Variants in MYO3A observed in about 807,000 individuals in gnomAD.
MYO3A encodes myosin-IIIa.
MYO3A carries 180 observed loss-of-function variants against 192.7 expected under a neutral mutation model. That is an observed-to-expected ratio of 0.93 (90% CI 0.83 to 1.06). The LOEUF is 1.06. MYO3A is among the 50% of genes least tolerant of loss of function. MYO3A has a pLI of 0.00. For synonymous variants in MYO3A, 628 were observed against 645.3 expected (o/e 0.97, Z 0.41); for missense variants, 1,896 against 1,905.0 (o/e 1.00, Z 0.09).
At chr10:26,057,201 A>G (rs1392642698) in intron 10 of MYO3A, among the ~76,000 whole-genome samples, 2 of 152,208 alleles carry the variant, frequency 1.3e-5, no homozygotes, top group African/African-American at 4.8e-5. Flanking sequence ...TCCTTTGAAA[A>G]GTTGACAAGG....
intron 34 of MYO3A, among the ~76,000 whole-genome samples, chr10:26,203,574 C>T (rs538594903): frequency 4.6e-5 from 7 of 152,312 alleles, no homozygotes; most frequent in Admixed American, 2.0e-4. Context: ...ATATTTTGGA[C>T]TTGAATTCTC....
At chr10:26,160,636 C>A (rs1230579784) in intron 26 of MYO3A, among the ~76,000 whole-genome samples, 2 of 151,746 alleles carry the variant, frequency 1.3e-5, no homozygotes, top group East Asian at 3.9e-4. Flanking sequence ...CAGAGCAAGA[C>A]CCTATCTCTA....
intron 6 of MYO3A, among the ~76,000 whole-genome samples, chr10:26,005,442 A>G (rs1478929357): frequency 6.7e-6 from 1 of 150,120 alleles, no homozygotes; most frequent in Non-Finnish European, 1.5e-5. Flanking sequence ...TTTAAAGGAC[A>G]TATTTAGGAC....
chr10:26,192,214 C>T (rs1033751421), intron 31 of MYO3A, among the ~76,000 whole-genome samples: 6 of 152,172 alleles, frequency 3.9e-5, no homozygotes, highest in Non-Finnish European at 8.8e-5. Context: ...GGTTTGAGAT[C>T]TTGGCTATAT....
intron 18 of MYO3A, among the ~76,000 whole-genome samples, chr10:26,124,730 T>C (rs1431532654): frequency 6.6e-6 from 1 of 152,216 alleles, no homozygotes; most frequent in Non-Finnish European, 1.5e-5. Context: ...TGAGTTTTGT[T>C]CACGGAATTA....
intron 28 of MYO3A, among the ~76,000 whole-genome samples, chr10:26,170,165 C>G (rs957721713): frequency 6.6e-6 from 1 of 152,212 alleles, no homozygotes; most frequent in Non-Finnish European, 1.5e-5. Flanking sequence ...CAACTTTGCT[C>G]ATCTCTATCA....
chr10:26,077,233 GTTTTTTTT>G (rs34464120), intron 14 of MYO3A, among the ~76,000 whole-genome samples: 2 of 36,284 alleles, frequency 5.5e-5, no homozygotes, highest in Non-Finnish European at 1.1e-4. Flanking sequence ...TATTCCTAAG[GTTTTTTTT>G]TTTTTTTTTT....
chr10:26,096,391 A>C lies in MYO3A; in HGVS notation c.1573A>C (p.Asn525His), dbSNP rs775770061. ...RVIHQAIGEKNFHIFYYIYAG... is the reference protein window; with the variant it reads ...RVIHQAIGEKHFHIFYYIYAG... ...TATCTTTTTTTCCAGTGGAGAAAAA[A>C]ATTTTCATATTTTTTACTACATTTA... Residue 525 changes from asparagine to histidine, a missense_variant, in exon 16 of 35, where the codon AAT becomes CAT. Transcript: ENST00000642920. The C allele has an allele frequency of 1.9e-6, 3 of 1,610,414 alleles. No individual in the cohort carries two copies. Among genetic ancestry groups the C allele is most frequent in the African/African-American group, 2.7e-5 (2 of 74,794 alleles).
intron 2 of MYO3A, among the ~76,000 whole-genome samples, chr10:25,940,234 T>C (rs1287028051): frequency 6.6e-6 from 1 of 152,082 alleles, no homozygotes; most frequent in African/African-American, 2.4e-5. Context: ...TTTCTACTGC[T>C]TTTTCTATGT....
chr10:26,197,346 G>A (rs528615986), intron 32 of MYO3A, among the ~76,000 whole-genome samples: 66 of 152,292 alleles, frequency 4.3e-4, no homozygotes, highest in African/African-American at 1.5e-3. Flanking sequence ...CCTGAGGAAG[G>A]AACTCAGATA....
chr10:26,207,069 G>GTT (rs370958381), intron 34 of MYO3A, among the ~76,000 whole-genome samples: 2 of 147,192 alleles, frequency 1.4e-5, no homozygotes, highest in Admixed American at 6.8e-5. Context: ...TTCTGTTTGG[G>GTT]TTTTTTTTTT....
At chr10:26,110,430 A>G (rs1196641399) in intron 17 of MYO3A, among the ~76,000 whole-genome samples, 4 of 152,176 alleles carry the variant, frequency 2.6e-5, no homozygotes, top group Non-Finnish European at 5.9e-5. Flanking sequence ...TCTTAGCTGT[A>G]ATTTGTTACA....
chr10:26,055,046 C>T (rs1844232651), intron 10 of MYO3A, among the ~76,000 whole-genome samples: 1 of 152,212 alleles, frequency 6.6e-6, no homozygotes, highest in South Asian at 2.1e-4. Flanking sequence ...AATCAAGCAC[C>T]TGCAGATTGG....
chr10:26,175,108 T>C (rs188412958), intron 30 of MYO3A, among the ~76,000 whole-genome samples: 1 of 152,314 alleles, frequency 6.6e-6, no homozygotes, highest in Non-Finnish European at 1.5e-5. Context: ...TCCTGGAGAA[T>C]ATCTCATGCC....
intron 6 of MYO3A, among the ~76,000 whole-genome samples, chr10:26,010,347 C>G (rs549541401): frequency 6.8e-6 from 1 of 147,666 alleles, no homozygotes; most frequent in South Asian, 2.1e-4. Context: ...GTATAAAGTA[C>G]AGGAACCTCA....
At chr10:26,110,368 A>G (rs1030916249) in intron 17 of MYO3A, among the ~76,000 whole-genome samples, 13 of 152,188 alleles carry the variant, frequency 8.5e-5, no homozygotes, top group Non-Finnish European at 1.6e-4. Flanking sequence ...ACAAAAATCC[A>G]TTGTTTAATG....
intron 20 of MYO3A, among the ~76,000 whole-genome samples, chr10:26,134,804 T>C (rs1048037618): frequency 6.6e-6 from 1 of 152,194 alleles, no homozygotes; most frequent in African/African-American, 2.4e-5. Context: ...TTTTTGTCAA[T>C]GGTTAGAATA....
chr10:26,184,516 G>A (rs1180142128), intron 31 of MYO3A, among the ~76,000 whole-genome samples: 1 of 152,146 alleles, frequency 6.6e-6, no homozygotes, highest in East Asian at 1.9e-4. Context: ...GTAAAACAGT[G>A]TAATTATCAT....
intron 31 of MYO3A, among the ~76,000 whole-genome samples, chr10:26,179,729 AAAAG>A (rs1842526750): frequency 1.3e-5 from 2 of 152,266 alleles, no homozygotes; most frequent in East Asian, 1.9e-4. Context: ...GTTTGAGAAA[AAAAG>A]AAAGAAAAAT....
Sources: allele counts gnomAD v4.1 joint callset (sites outside exome capture counted in the v4.1 genomes callset), GRCh38; gene constraint gnomAD v4.1.1; transcripts MANE v1.5; gene names NCBI Gene and HGNC (gene_info 2026-07-23, HGNC 2026-07-21).